MYO6: variants seen among roughly 807,000 people sequenced by gnomAD.
MYO6 encodes the protein unconventional myosin-VI.
A neutral mutation model predicts 178.7 loss-of-function variants in MYO6; 74 were observed. The observed-to-expected ratio is 0.41, with a 90% confidence interval of 0.34 to 0.50. The LOEUF (loss-of-function observed/expected upper bound fraction) is 0.50. MYO6 is among the 20% of genes least tolerant of loss of function. The pLI, the probability that MYO6 is intolerant of heterozygous loss-of-function variation, is 0.09. For synonymous variants in MYO6, 477 were observed against 504.6 expected, an observed-to-expected ratio of 0.95 and a Z score of 0.73; for missense variants, 1,330 against 1,547.4, an observed-to-expected ratio of 0.86 and a Z score of 2.36.
Position 75,868,482 on chromosome 6 carries a change from C to T in MYO6, c.1944+1377C>T, listed in dbSNP as rs987512748. Among the ~76,000 whole-genome samples the T allele has an allele frequency of 1.1e-4, 17 of 151,938 alleles. No individual in the cohort carries two copies. In the East Asian group the frequency reaches 2.9e-3, roughly 26 times the overall value. ...AAATTTTAGAAAATATAAATAAAGACATTCTTACAGTTTTTCTTTGGATTA... is the reference window on the plus strand; with the variant it reads ...AAATTTTAGAAAATATAAATAAAGATATTCTTACAGTTTTTCTTTGGATTA... On this transcript the variant is annotated intron_variant, in intron 18 of 34. Coordinates refer to ENST00000369977, the MANE Select transcript of MYO6 (RefSeq NM_004999.4).
chr6:75,914,856 T>G lies in MYO6; in HGVS notation c.3702T>G (p.Thr1234=), dbSNP rs1186540017. The change falls in exon 35 of 35, where the codon ACT becomes ACG. Residue 1234 remains threonine (T), a synonymous_variant. Coordinates refer to ENST00000369977, the MANE Select transcript of MYO6 (RefSeq NM_004999.4). Reference sequence around the variant, plus strand: ...TGTGTGAGCTGAATCTTGAGGAGACTGGCCTGACTCGGAAGCGTGGTGCTG... The same window carrying G: ...TGTGTGAGCTGAATCTTGAGGAGACGGGCCTGACTCGGAAGCGTGGTGCTG... ...MEMCELNLEE[T]GLTRKRGAEI... is the part of the protein sequence containing the mutation. 1 of 1,614,072 alleles carries G rather than the reference T, an allele frequency of 6.2e-7. No individual in the cohort carries two copies. The highest frequency in any genetic ancestry group is 1.7e-5 in the Admixed American group (1 of 60,004).
At chr6:75,834,559 T>A (rs1297714912) in intron 6 of MYO6, among the ~76,000 whole-genome samples, 1 of 152,068 alleles carries the variant, frequency 6.6e-6, no homozygotes, top group Non-Finnish European at 1.5e-5. Flanking sequence ...ATTATAGCAT[T>A]TTAAAAATGG....
intron 10 of MYO6, among the ~76,000 whole-genome samples, chr6:75,845,495 C>T (rs1421738910): frequency 1.3e-5 from 2 of 151,760 alleles, no homozygotes; most frequent in African/African-American, 4.8e-5. Context: ...GAGTTTGAGA[C>T]CAGCCTGGGC....
At chr6:75,856,025 T>G (rs894222952) in intron 12 of MYO6, among the ~76,000 whole-genome samples, 1 of 152,188 alleles carries the variant, frequency 6.6e-6, no homozygotes, top group African/African-American at 2.4e-5. Flanking sequence ...AAATTGGCTA[T>G]CTCTTATTCT....
chr6:75,839,088 A>C (rs1383554155), intron 7 of MYO6, among the ~76,000 whole-genome samples: 1 of 152,138 alleles, frequency 6.6e-6, no homozygotes, highest in East Asian at 1.9e-4. Context: ...AAAAGAGTTT[A>C]GAGACTAGTT....
chr6:75,761,624 CACAG>C (rs1222165187), intron 1 of MYO6, among the ~76,000 whole-genome samples: 3 of 150,954 alleles, frequency 2.0e-5, no homozygotes, highest in Non-Finnish European at 4.4e-5. Context: ...CACACACACA[CACAG>C]ACACATTTTT....
At position 75,867,228 on chromosome 6, in the gene MYO6, C is replaced by T. The variant is rs1316258844; in HGVS notation, c.1944+123C>T. The T allele has an allele frequency of 4.0e-6, 3 of 755,096 alleles. No individual in the cohort carries two copies. The East Asian group carries it at 8.3e-5, about 21-fold the overall frequency. The allele number at this position is 755,096 out of a possible 1,614,324, so 46.8% of individuals were successfully genotyped here. ...CAGTGAAGTTCAAGAGCAGACCCTG[C>T]ATTGTTGATATTTGTATGTAAAATA... On this transcript the variant is annotated intron_variant, in intron 18 of 34. Transcript: ENST00000369977.
Position 75,840,587 on chromosome 6 carries a change from A to G in MYO6, c.556A>G (p.Asn186Asp). Residue 186 changes from asparagine (N) to aspartate (D), a missense_variant and splice_region_variant, in exon 8 of 35, where the codon AAC (asparagine) becomes GAC (aspartate). This residue lies in a region of MYO6 where 613 missense variants were observed against 816.8 expected (regional missense o/e 0.75). Transcript: ENST00000369977. ...QDIDDRIVEANPLLEAFGNAK... is the reference protein window; with the variant it reads ...QDIDDRIVEADPLLEAFGNAK... ...TGGATTTTTTTGTTTCTCAATAGCT[A>G]ACCCACTCCTAGAAGCCTTTGGAAA... 6.2e-7 allele frequency: 1 copy of G among 1,612,590 alleles called. No homozygotes were observed. Among genetic ancestry groups the G allele is most frequent in the Non-Finnish European group, 8.5e-7 (1 of 1,178,680 alleles).
chr6:75,905,161 G>A (rs186182397), intron 30 of MYO6, among the ~76,000 whole-genome samples: 1,955 of 152,328 alleles, frequency 0.013, 24 homozygotes, highest in Non-Finnish European at 0.02. Context: ...AGTCTGCAGA[G>A]GTTACTGCTG....
At chr6:75,805,671 T>C (rs1471641873) in intron 1 of MYO6, among the ~76,000 whole-genome samples, 1 of 152,234 alleles carries the variant, frequency 6.6e-6, no homozygotes, top group Admixed American at 6.5e-5. Context: ...AAAAATACAT[T>C]ATCAATTGTC....
chr6:75,855,308 G>A lies in MYO6; in HGVS notation c.1223+25G>A, dbSNP rs1443635336. On this transcript the variant is annotated intron_variant, in intron 12 of 34. Transcript: ENST00000369977. ...AGTAAGTTCCTTAAGTAATTGCACT[G>A]CAAAAATTTTGCCTTGCAGTTTGTC... The A allele has an allele frequency of 1.9e-6, 3 of 1,611,242 alleles. No homozygotes were observed. In the South Asian group the frequency reaches 3.3e-5, roughly 18 times the overall value.
intron 20 of MYO6, 38 bp downstream of exon 20, chr6:75,873,338 A>G: frequency 7.1e-7 from 1 of 1,408,976 alleles, no homozygotes; most frequent in South Asian, 1.2e-5. Context: ...GTTAGTAGTC[A>G]TAGCTCAAAT....
intron 11 of MYO6, among the ~76,000 whole-genome samples, chr6:75,851,461 C>A (rs904758318): frequency 3.3e-5 from 5 of 151,938 alleles, no homozygotes; most frequent in African/African-American, 1.2e-4. Flanking sequence ...GAAGTGATTT[C>A]TTTTTTCCCT....
chr6:75,893,891 G>T (rs1021209127), intron 28 of MYO6, among the ~76,000 whole-genome samples: 3 of 152,152 alleles, frequency 2.0e-5, no homozygotes, highest in African/African-American at 7.2e-5. Context: ...TTTTATAAAT[G>T]CAGACTCAGC....
intron 9 of MYO6, among the ~76,000 whole-genome samples, chr6:75,843,196 G>A (rs1774411503): frequency 1.3e-5 from 2 of 152,104 alleles, no homozygotes; most frequent in Non-Finnish European, 1.5e-5. Flanking sequence ...TGAGAGATCA[G>A]GTTTTAAAAA....
At chr6:75,808,599 G>A (rs1350540763) in intron 1 of MYO6, among the ~76,000 whole-genome samples, 1 of 152,158 alleles carries the variant, frequency 6.6e-6, no homozygotes, top group Non-Finnish European at 1.5e-5. Flanking sequence ...GGAGAGATGG[G>A]CCTCAACTCC....
chr6:75,905,805 A>T (rs1780268388), intron 30 of MYO6, among the ~76,000 whole-genome samples: 1 of 152,252 alleles, frequency 6.6e-6, no homozygotes, highest in Admixed American at 6.5e-5. Flanking sequence ...AAGAATTTTA[A>T]GTATGTAGGA....
chr6:75,900,197 C>T (rs1216348999), intron 30 of MYO6, among the ~76,000 whole-genome samples: 8 of 151,866 alleles, frequency 5.3e-5, no homozygotes, highest in East Asian at 3.9e-4. Flanking sequence ...AATAAACATA[C>T]GTGTGCATGT....
Position 75,881,776 on chromosome 6 carries a change from C to G in MYO6, c.2374C>G (p.Arg792Gly). 1 of 1,613,926 alleles carries G rather than the reference C, an allele frequency of 6.2e-7. No homozygotes were observed. Among genetic ancestry groups the G allele is most frequent in the Non-Finnish European group, 8.5e-7 (1 of 1,179,908 alleles). The change falls in exon 23 of 35, where the codon CGC (arginine) becomes GGC (glycine). Residue 792 changes from arginine to glycine, a missense_variant. Around this residue, in one of 3 missense-constraint regions of MYO6, gnomAD observed 601 missense variants for 626.1 expected, o/e 0.96. Coordinates refer to ENST00000369977, the MANE Select transcript of MYO6 (RefSeq NM_004999.4). ...AGTCAATCACTGGCTCACATGCAGT[C>G]GCTGGAAGAAAGTTCAGTGGTGCTC... ...KRVNHWLTCS[R>G]WKKVQWCSLS... is the part of the protein sequence containing the mutation.
Sources: gnomAD v4.1 joint callset for allele counts (sites outside exome capture counted in the v4.1 genomes callset) on GRCh38, gnomAD v4.1.1 for gene constraint, gnomAD v4.1.1 regional missense constraint, MANE v1.5 for transcripts, NCBI Gene and HGNC (gene_info 2026-07-23, HGNC 2026-07-21) for gene names.